Variants in EIF2B3 observed in about 807,000 individuals in gnomAD.
EIF2B3 encodes translation initiation factor eIF2B subunit gamma.
In EIF2B3, 20 loss-of-function variants were observed where a neutral mutation model predicts 54.1. That is an observed-to-expected ratio of 0.37 (90% CI 0.26 to 0.54). EIF2B3 has a LOEUF of 0.54. EIF2B3 is among the 20% of genes least tolerant of loss of function. EIF2B3 has a pLI of 0.86. For missense variants in EIF2B3, 448 were observed against 547.8 expected, an observed-to-expected ratio of 0.82 and a Z score of 1.82; for synonymous variants, 153 against 188.1, an observed-to-expected ratio of 0.81 and a Z score of 1.52.
chr1:44,955,869 C>T (rs1201520889), intron 3 of EIF2B3, among the ~76,000 whole-genome samples: 1 of 152,102 alleles, frequency 6.6e-6, no homozygotes, highest in Non-Finnish European at 1.5e-5. Flanking sequence ...CAACCAGATG[C>T]TGGAGAGGAT....
At chr1:44,858,009 A>G (rs1654490646) in intron 10 of EIF2B3, among the ~76,000 whole-genome samples, 1 of 151,196 alleles carries the variant, frequency 6.6e-6, no homozygotes, top group Admixed American at 6.6e-5. Flanking sequence ...ATTTGGGACT[A>G]TGCTCATAAC....
At chr1:44,885,901 A>ATTTTTTTTT (rs57544990) in intron 6 of EIF2B3, among the ~76,000 whole-genome samples, 1 of 133,194 alleles carries the variant, frequency 7.5e-6, no homozygotes, top group African/African-American at 2.9e-5. Context: ...CGCTTGGCTA[A>ATTTTTTTTT]TTTTTTTTTT....
chr1:44,983,286 G>A (rs1644533873), intron 1 of EIF2B3, among the ~76,000 whole-genome samples: 1 of 152,214 alleles, frequency 6.6e-6, no homozygotes, highest in Non-Finnish European at 1.5e-5. Context: ...GTGTTAAAAT[G>A]TAACGTTCAG....
chr1:44,893,607 AAAAGCACCCAG>A, intron 6 of EIF2B3, among the ~76,000 whole-genome samples: 1 of 151,826 alleles, frequency 6.6e-6, no homozygotes, highest in Middle Eastern at 3.4e-3. Flanking sequence ...AATATATGTG[AAAAGCACCCAG>A]CACAGTGCCT....
chr1:44,942,377 T>A (rs1217934096), intron 3 of EIF2B3, among the ~76,000 whole-genome samples: 4 of 21,586 alleles, frequency 1.9e-4, no homozygotes, highest in East Asian at 3.6e-3. Context: ...CTTTCTGATT[T>A]TATATATATA....
rs1273681810 is a variant in EIF2B3, at chr1:44,986,129, T to TTTTC, written c.-10+360_-10+363dup. Among the ~76,000 whole-genome samples the TTTTC allele has an allele frequency of 3.6e-5, 5 of 138,006 alleles. 1 individual carries two copies. Among genetic ancestry groups the TTTTC allele is most frequent in the Non-Finnish European group, 3.2e-5 (2 of 63,176 alleles). 90.5% of individuals were successfully genotyped at this position (138,006 alleles called of 152,430 possible). A position where few individuals can be genotyped will look rare whatever the true frequency, so the allele number is the denominator to read the frequency against. ...CCCTCCCCGAAACTTCGTTTCTTTC[T>TTTTC]TTTCTTTTCTTTTTTTTTTTTTTTT... On this transcript the variant is annotated intron_variant, in intron 1 of 11. Coordinates refer to ENST00000360403, the MANE Select transcript of EIF2B3 (RefSeq NM_020365.5).
At chr1:44,909,255 T>C (rs1643469429) in intron 5 of EIF2B3, among the ~76,000 whole-genome samples, 1 of 151,754 alleles carries the variant, frequency 6.6e-6, no homozygotes, top group Admixed American at 6.6e-5. Flanking sequence ...TGGGTAAAGA[T>C]GGCAGATTAA....
chr1:44,853,157 T>G (rs370960439), intron 11 of EIF2B3, among the ~76,000 whole-genome samples: 2 of 152,090 alleles, frequency 1.3e-5, no homozygotes, highest in South Asian at 4.1e-4. Context: ...AGAAGAGCTA[T>G]AGAAAACTTT....
chr1:44,912,141 A>C (rs2148922945), intron 5 of EIF2B3, among the ~76,000 whole-genome samples: 1 of 152,178 alleles, frequency 6.6e-6, no homozygotes, highest in African/African-American at 2.4e-5. Flanking sequence ...AGTCTTTGCT[A>C]TTGTGAATAG....
At chr1:44,921,885 CAT>C (rs200045316) in intron 5 of EIF2B3, among the ~76,000 whole-genome samples, 2 of 136,112 alleles carry the variant, frequency 1.5e-5, no homozygotes, top group Non-Finnish European at 3.1e-5. Flanking sequence ...TCTGTAATTC[CAT>C]ATATATATAT....
chr1:44,941,040 C>T (rs1167719498), intron 4 of EIF2B3, among the ~76,000 whole-genome samples: 2 of 151,814 alleles, frequency 1.3e-5, no homozygotes, highest in African/African-American at 4.8e-5. Context: ...GCACACGCCA[C>T]CACGCCCAGC....
chr1:44,955,167 C>T (rs1022488635), intron 3 of EIF2B3, among the ~76,000 whole-genome samples: 1 of 152,120 alleles, frequency 6.6e-6, no homozygotes, highest in African/African-American at 2.4e-5. Flanking sequence ...GGTACCAAAA[C>T]AGATATATAG....
chr1:44,888,277 C>T (rs115549534), intron 6 of EIF2B3, among the ~76,000 whole-genome samples: 2,589 of 149,818 alleles, frequency 0.017, 80 homozygotes, highest in African/African-American at 0.06. Flanking sequence ...CCCATGCAGC[C>T]GTTTGGGCGG....
At chr1:44,878,558 C>T (rs1655273876) in intron 8 of EIF2B3, among the ~76,000 whole-genome samples, 1 of 152,150 alleles carries the variant, frequency 6.6e-6, no homozygotes, top group South Asian at 2.1e-4. Flanking sequence ...CCACTGTGCC[C>T]GGCCTCAATC....
At position 44,959,155 on chromosome 1, in the gene EIF2B3, G is replaced by A. The variant is rs193219490; in HGVS notation, c.295-17490C>T. The A allele has an allele frequency of 7.3e-4, 524 of 722,476 alleles. 1 individual carries two copies. Among genetic ancestry groups the A allele is most frequent in the Admixed American group, 1.3e-3 (62 of 47,218 alleles). The allele number at this position is 722,476 out of a possible 1,614,324, so 44.8% of individuals were successfully genotyped here. A position where few individuals can be genotyped will look rare whatever the true frequency, so the allele number is the denominator to read the frequency against. ...AGGCACCCTTGAACCATCTACGATT[G>A]CACAGTCTGGTGTTTTTGGCTTCCC... On this transcript the variant is annotated intron_variant, in intron 3 of 11. Transcript: ENST00000360403.
At chr1:44,898,501 T>A (rs1656053521) in intron 5 of EIF2B3, among the ~76,000 whole-genome samples, 1 of 152,154 alleles carries the variant, frequency 6.6e-6, no homozygotes, top group African/African-American at 2.4e-5. Flanking sequence ...GAGGTCAAAT[T>A]AAGGCATCTG....
chr1:44,936,024 A>G (rs116509863), intron 4 of EIF2B3, among the ~76,000 whole-genome samples: 1,597 of 150,824 alleles, frequency 0.011, 32 homozygotes, highest in African/African-American at 0.037. Context: ...TGGTAAGCTG[A>G]TCTCTTCACC....
At chr1:44,919,786 G>A (rs1055645501) in intron 5 of EIF2B3, among the ~76,000 whole-genome samples, 2 of 141,552 alleles carry the variant, frequency 1.4e-5, no homozygotes, top group Admixed American at 1.5e-4. Flanking sequence ...GTGCAATCTC[G>A]GCTCACCGCA....
At position 44,892,662 on chromosome 1, in the gene EIF2B3, A is replaced by G. The variant is rs541373007; in HGVS notation, c.656+4693T>C. Among the ~76,000 whole-genome samples the G allele has an allele frequency of 2.0e-5, 3 of 152,290 alleles. No homozygotes were observed. The East Asian group carries it at 5.8e-4, about 29-fold the overall frequency. On this transcript the variant is annotated intron_variant, in intron 6 of 11. Coordinates refer to ENST00000360403, the MANE Select transcript of EIF2B3 (RefSeq NM_020365.5). ...ACGTTTCTCTATTACTAATATTACTAATATTTCTAGAAGTCCCAGAGATAA... is the reference window on the plus strand; with the variant it reads ...ACGTTTCTCTATTACTAATATTACTGATATTTCTAGAAGTCCCAGAGATAA...
Sources: gnomAD v4.1 joint callset for allele counts (sites outside exome capture counted in the v4.1 genomes callset) on GRCh38, gnomAD v4.1.1 for gene constraint, MANE v1.5 for transcripts, NCBI Gene and HGNC (gene_info 2026-07-23, HGNC 2026-07-21) for gene names.